The following CELF2 variants were observed in gnomAD, a reference collection of about 807,000 sequenced individuals.
CELF2 encodes CUG triplet repeat RNA-binding protein 2.
A neutral mutation model predicts 62.6 loss-of-function variants in CELF2; 8 were observed. That is an observed-to-expected ratio of 0.13 (90% CI 0.07 to 0.23). The LOEUF is 0.23. Among genes scored for constraint, CELF2 ranks in the 10% least tolerant of loss-of-function variants. The pLI is 1.00. For synonymous variants in CELF2, 258 were observed against 250.0 expected (o/e 1.03, Z -0.30); for missense variants, 333 against 671.0 (o/e 0.50, Z 5.56).
chr10:10,623,988 A>G, the CELF2 span, among the ~76,000 whole-genome samples: 1 of 152,178 alleles, frequency 6.6e-6, no homozygotes, highest in Non-Finnish European at 1.5e-5. Context: ...CCATCTGATA[A>G]GACTATGATA....
chr10:10,751,744 A>G, the CELF2 span, among the ~76,000 whole-genome samples: 1 of 152,224 alleles, frequency 6.6e-6, no homozygotes, highest in Non-Finnish European at 1.5e-5. Flanking sequence ...GCTTTGGGAA[A>G]AAAAATAAGA....
At chr10:10,813,698 T>C (rs2056159346) in intron 1 of CELF2, among the ~76,000 whole-genome samples, 1 of 152,242 alleles carries the variant, frequency 6.6e-6, no homozygotes, top group Non-Finnish European at 1.5e-5. Context: ...CCAGCAAAAC[T>C]TCCTTTAAAC....
the CELF2 span, among the ~76,000 whole-genome samples, chr10:10,502,538 T>A: frequency 0.17 from 25,648 of 151,932 alleles, 2,509 homozygotes; most frequent in Non-Finnish European, 0.21. Flanking sequence ...ATCATATGTG[T>A]CAAATATATG....
At chr10:10,473,002 C>A in the CELF2 span, among the ~76,000 whole-genome samples, 1 of 151,984 alleles carries the variant, frequency 6.6e-6, no homozygotes, top group Admixed American at 6.6e-5. Context: ...ACTGCGAACT[C>A]CTGAAGCTTC....
rs999456473 is a variant in CELF2 at position 10,991,462 on chromosome 10, T to C, written c.89+71463T>C. On this transcript the variant is annotated intron_variant, in intron 2 of 13. Coordinates refer to the CELF2 transcript ENST00000636488. ...AGACCTCTGGTAACCAGGCTAAGAGTTGGGAGAGCTTCAGATGTGGTGTCA... is the reference window on the plus strand; with the variant it reads ...AGACCTCTGGTAACCAGGCTAAGAGCTGGGAGAGCTTCAGATGTGGTGTCA... Among the ~76,000 whole-genome samples, 3 of 151,636 alleles carry C rather than the reference T, an allele frequency of 2.0e-5. No homozygotes were observed. In the South Asian group the frequency reaches 6.3e-4, roughly 32 times the overall value.
intron 1 of CELF2, among the ~76,000 whole-genome samples, chr10:10,860,520 T>G (rs562857550): frequency 6.6e-6 from 1 of 152,356 alleles, no homozygotes; most frequent in Non-Finnish European, 1.5e-5. Context: ...AAAGTCAATT[T>G]CATTTCATTT....
chr10:10,898,094 A>ACT (rs1212537610), intron 1 of CELF2, among the ~76,000 whole-genome samples: 1 of 152,016 alleles, frequency 6.6e-6, no homozygotes, highest in African/African-American at 2.4e-5. Flanking sequence ...TAGGCCAGTA[A>ACT]CTCCTTTATT....
intron 2 of CELF2, among the ~76,000 whole-genome samples, chr10:10,955,546 A>G (rs2048798676): frequency 6.6e-6 from 1 of 152,220 alleles, no homozygotes; most frequent in Non-Finnish European, 1.5e-5. Flanking sequence ...GTATGAACTC[A>G]TTCAACCGTC....
At chr10:10,554,026 C>T in the CELF2 span, among the ~76,000 whole-genome samples, 1 of 152,020 alleles carries the variant, frequency 6.6e-6, no homozygotes, top group African/African-American at 2.4e-5. Flanking sequence ...TGGAAAGTGG[C>T]AGGAATAGAA....
At chr10:10,710,034 G>C in the CELF2 span, among the ~76,000 whole-genome samples, 1 of 152,158 alleles carries the variant, frequency 6.6e-6, no homozygotes, top group East Asian at 1.9e-4. Flanking sequence ...GTGGCTCTTG[G>C]ATCTGCCTGG....
chr10:10,536,860 A>T, the CELF2 span, among the ~76,000 whole-genome samples: 115 of 152,318 alleles, frequency 7.5e-4, 1 homozygote, highest in East Asian at 0.018. Flanking sequence ...ATCAGTTGGG[A>T]TTATTAAAAT....
chr10:11,074,094 AT>A (rs2071072297), intron 1 of CELF2, among the ~76,000 whole-genome samples: 1 of 152,192 alleles, frequency 6.6e-6, no homozygotes, highest in Non-Finnish European at 1.5e-5. Context: ...GCTAAAGTAT[AT>A]ACGAGTATGT....
At chr10:11,083,200 T>C (rs938042129) in intron 1 of CELF2, among the ~76,000 whole-genome samples, 1 of 152,084 alleles carries the variant, frequency 6.6e-6, no homozygotes, top group African/African-American at 2.4e-5. Context: ...GACACCTCTT[T>C]TGGGAAAATA....
At chr10:10,662,527 A>C in the CELF2 span, among the ~76,000 whole-genome samples, 1 of 152,126 alleles carries the variant, frequency 6.6e-6, no homozygotes, top group South Asian at 2.1e-4. Flanking sequence ...GTCACTTCCG[A>C]ATACAGAGAT....
At chr10:11,289,708 T>C (rs994849041) in intron 9 of CELF2, among the ~76,000 whole-genome samples, 3 of 152,206 alleles carry the variant, frequency 2.0e-5, no homozygotes, top group Admixed American at 2.0e-4. Flanking sequence ...GAGGGCCTTA[T>C]CTAATATAAT....
At chr10:11,275,151 C>T in intron 8 of CELF2, 31 bp downstream of exon 8, 2 of 1,609,410 alleles carry the variant, frequency 1.2e-6, no homozygotes, top group Non-Finnish European at 1.7e-6. Flanking sequence ...CTCCTTTTGA[C>T]CGTGCTATTG....
chr10:11,182,667 T>C (rs1298573801), intron 2 of CELF2, among the ~76,000 whole-genome samples: 1 of 152,166 alleles, frequency 6.6e-6, no homozygotes, highest in Non-Finnish European at 1.5e-5. Flanking sequence ...GTCTCTCACC[T>C]CTCCCTACCA....
intron 1 of CELF2, among the ~76,000 whole-genome samples, chr10:11,049,301 T>C (rs1054533842): frequency 1.3e-5 from 2 of 152,020 alleles, no homozygotes; most frequent in African/African-American, 2.4e-5. Flanking sequence ...AATTGACTTT[T>C]AGTAATATTT....
At chr10:10,925,449 G>C (rs1370484098) in intron 2 of CELF2, among the ~76,000 whole-genome samples, 3 of 151,964 alleles carry the variant, frequency 2.0e-5, no homozygotes, top group Admixed American at 1.3e-4. Context: ...AGTGCGTGCT[G>C]TACCTTGGTT....
Sources: gnomAD v4.1 joint callset for allele counts (sites outside exome capture counted in the v4.1 genomes callset) on GRCh38, gnomAD v4.1.1 for gene constraint, MANE v1.5 for transcripts, NCBI Gene and HGNC (gene_info 2026-07-23, HGNC 2026-07-21) for gene names.